PTPRN2: variants seen among roughly 807,000 people sequenced by gnomAD.
The protein encoded by PTPRN2 is protein tyrosine phosphatase receptor type N2.
In PTPRN2, 74 loss-of-function variants were observed where a neutral mutation model predicts 118.8. The observed-to-expected ratio is 0.62, with a 90% CI of 0.52 to 0.76. PTPRN2 has a LOEUF of 0.76. Ranked by LOEUF, PTPRN2 falls within the 30% of genes least tolerant of loss-of-function variation. PTPRN2 has a pLI of 0.00. For synonymous variants in PTPRN2, 641 were observed against 608.0 expected (o/e 1.05, Z -0.80); for missense variants, 1,481 against 1,394.4 (o/e 1.06, Z -0.99).
intron 11 of PTPRN2, among the ~76,000 whole-genome samples, chr7:158,053,474 A>G (rs1809488552): frequency 6.6e-6 from 1 of 152,226 alleles, no homozygotes; most frequent in South Asian, 2.1e-4. Flanking sequence ...CAGAAAAGAA[A>G]AGAATTCAGA....
chr7:158,180,328 G>T (rs111852013), intron 5 of PTPRN2, among the ~76,000 whole-genome samples: 31,879 of 152,168 alleles, frequency 0.21, 3,969 homozygotes, highest in African/African-American at 0.36. Context: ...TGTTCCATTG[G>T]TCTATGTGCC....
intron 16 of PTPRN2, among the ~76,000 whole-genome samples, chr7:157,600,936 T>C (rs1419621730): frequency 6.6e-6 from 1 of 152,246 alleles, no homozygotes; most frequent in South Asian, 2.1e-4. Flanking sequence ...GCATTCTGAA[T>C]TAAAACTTTA....
intron 11 of PTPRN2, among the ~76,000 whole-genome samples, chr7:158,063,184 T>C (rs1459866987): frequency 6.6e-6 from 1 of 152,130 alleles, no homozygotes; most frequent in African/African-American, 2.4e-5. Flanking sequence ...TTTAGTGCTC[T>C]GTATTTAGCT....
intron 1 of PTPRN2, among the ~76,000 whole-genome samples, chr7:158,562,023 A>G (rs930765740): frequency 1.3e-5 from 2 of 152,244 alleles, no homozygotes; most frequent in African/African-American, 4.8e-5. Flanking sequence ...AAAGGGGCCA[A>G]TGAACACATG....
At chr7:158,282,957 G>A (rs1221496213) in intron 3 of PTPRN2, among the ~76,000 whole-genome samples, 6 of 141,604 alleles carry the variant, frequency 4.2e-5, no homozygotes, top group Admixed American at 7.1e-5. Flanking sequence ...GTGCTCCCAC[G>A]CAGCAGCAGG....
intron 13 of PTPRN2, among the ~76,000 whole-genome samples, chr7:157,673,186 G>T (rs978028121): frequency 6.6e-6 from 1 of 152,136 alleles, no homozygotes; most frequent in Non-Finnish European, 1.5e-5. Flanking sequence ...ACCACACCTG[G>T]CTAATTTTTG....
At chr7:157,898,517 G>A (rs984715769) in intron 12 of PTPRN2, among the ~76,000 whole-genome samples, 156 bp downstream of exon 12, 6 of 152,084 alleles carry the variant, frequency 3.9e-5, no homozygotes, top group Non-Finnish European at 7.4e-5. Context: ...TTTCCCACCC[G>A]CAGAGGATGC....
At chr7:157,909,569 C>T (rs1472376187) in intron 11 of PTPRN2, among the ~76,000 whole-genome samples, 1 of 152,270 alleles carries the variant, frequency 6.6e-6, no homozygotes, top group Non-Finnish European at 1.5e-5. Flanking sequence ...TGCTCAGCCC[C>T]TTCAGCGCGG....
intron 2 of PTPRN2, among the ~76,000 whole-genome samples, chr7:158,473,522 C>G (rs552917483): frequency 1.3e-5 from 2 of 152,168 alleles, no homozygotes; most frequent in Non-Finnish European, 2.9e-5. Flanking sequence ...GCCTCTCCCT[C>G]GTCCATAATT....
intron 21 of PTPRN2, among the ~76,000 whole-genome samples, chr7:157,566,865 G>A (rs1024463847): frequency 2.0e-5 from 3 of 152,296 alleles, no homozygotes; most frequent in Middle Eastern, 6.8e-3. Context: ...GGAGACGCAC[G>A]CTGGGGTCAC....
intron 12 of PTPRN2, among the ~76,000 whole-genome samples, chr7:157,745,526 C>A (rs965464285): frequency 6.6e-6 from 1 of 151,946 alleles, no homozygotes; most frequent in Non-Finnish European, 1.5e-5. Context: ...CAATGCTGGG[C>A]TCCTCCGACA....
chr7:158,300,802 C>T (rs922532039), intron 3 of PTPRN2, among the ~76,000 whole-genome samples: 1 of 152,116 alleles, frequency 6.6e-6, no homozygotes, highest in Non-Finnish European at 1.5e-5. Flanking sequence ...GGGCAGCCCA[C>T]AGTCCTTCTC....
At chr7:158,539,677 G>A (rs1039014394) in intron 1 of PTPRN2, 8 of 240,246 alleles carry the variant, frequency 3.3e-5, no homozygotes, top group East Asian at 2.9e-4. Flanking sequence ...GCCGAGTCCC[G>A]GGTCCTGAGG....
intron 2 of PTPRN2, among the ~76,000 whole-genome samples, chr7:158,382,680 C>A (rs935448649): frequency 1.3e-5 from 2 of 152,056 alleles, no homozygotes; most frequent in African/African-American, 4.8e-5. Context: ...GTGAACTGCG[C>A]ACAGGAGGGA....
intron 1 of PTPRN2, among the ~76,000 whole-genome samples, chr7:158,527,934 T>G (rs1267921474): frequency 6.6e-6 from 1 of 152,126 alleles, no homozygotes; most frequent in East Asian, 1.9e-4. Flanking sequence ...ACCACCTACC[T>G]GTGTTGCTTG....
chr7:158,333,421 G>GCAGACGTCACTCACACCAACACTC lies in PTPRN2; in HGVS notation c.164-16490_164-16489insGAGTGTTGGTGTGAGTGACGTCTG, dbSNP rs1804902465. ...TGCAGACGTCACTCACACCCACACT[G>GCAGACGTCACTCACACCAACACTC]TCACCATAAGAGGTGACACCTGCAG... On this transcript the variant is annotated intron_variant, in intron 2 of 22. Transcript: ENST00000389418. Among the ~76,000 whole-genome samples the GCAGACGTCACTCACACCAACACTC allele has an allele frequency of 2.6e-4, 20 of 75,948 alleles. 1 individual carries two copies. Among genetic ancestry groups the GCAGACGTCACTCACACCAACACTC allele is most frequent in the Admixed American group, 5.0e-4 (4 of 8,050 alleles). The allele number at this position is 75,948 out of a possible 152,430, so 49.8% of individuals were successfully genotyped here.
chr7:157,547,491 C>A (rs1798380090), intron 22 of PTPRN2, among the ~76,000 whole-genome samples: 2 of 152,136 alleles, frequency 1.3e-5, no homozygotes, highest in African/African-American at 4.8e-5. Context: ...TCCTGTTGAG[C>A]CAAAGCTCAT....
At chr7:158,456,829 C>T (rs528737215) in intron 2 of PTPRN2, among the ~76,000 whole-genome samples, 43 of 152,258 alleles carry the variant, frequency 2.8e-4, no homozygotes, top group African/African-American at 1.0e-3. Flanking sequence ...GGCTGGACGG[C>T]GGTGACACAA....
Position 157,684,398 on chromosome 7 carries a change from G to C in PTPRN2, c.1789-1461C>G, listed in dbSNP as rs562654610. ...AGGAAAGGGGGAGGGAGAGGGAAAG[G>C]GGGGAGAGGGAGAGGAGGCGCGGGG... On this transcript the variant is annotated intron_variant, in intron 12 of 22. Transcript: ENST00000389418. 7.4e-5 allele frequency among the ~76,000 whole-genome samples: 11 copies of C among 148,538 alleles called. No individual in the cohort carries two copies. The South Asian group carries it at 1.5e-3, about 21-fold the overall frequency.
Sources: allele counts gnomAD v4.1 joint callset (sites outside exome capture counted in the v4.1 genomes callset), GRCh38; gene constraint gnomAD v4.1.1; transcripts MANE v1.5; gene names NCBI Gene and HGNC (gene_info 2026-07-23, HGNC 2026-07-21).